ZBTB7C: variants seen among roughly 807,000 people sequenced by gnomAD.
The protein encoded by ZBTB7C is zinc finger and BTB domain containing 7C, also known as zinc finger and BTB domain-containing protein 7C.
A neutral mutation model predicts 25.7 loss-of-function variants in ZBTB7C; 8 were observed. That is an observed-to-expected ratio of 0.31 (90% CI 0.18 to 0.56). The LOEUF is 0.56. Ranked by LOEUF, ZBTB7C falls within the 20% of genes least tolerant of loss-of-function variation. ZBTB7C has a pLI of 0.91. For synonymous variants in ZBTB7C, 394 were observed against 369.0 expected (o/e 1.07, Z -0.78); for missense variants, 824 against 855.2 (o/e 0.96, Z 0.46).
intron 2 of ZBTB7C, among the ~76,000 whole-genome samples, chr18:48,232,136 T>G (rs1353686106): frequency 6.6e-6 from 1 of 152,094 alleles, no homozygotes; most frequent in East Asian, 1.9e-4. Flanking sequence ...TGAGCAAAAC[T>G]CAGGCAAAGG....
intron 1 of ZBTB7C, among the ~76,000 whole-genome samples, chr18:48,387,646 C>T (rs952498296): frequency 2.6e-5 from 4 of 152,136 alleles, no homozygotes; most frequent in Admixed American, 2.6e-4. Flanking sequence ...AGAGGAGGTG[C>T]AGCAAGAAGA....
intron 2 of ZBTB7C, among the ~76,000 whole-genome samples, chr18:48,246,693 A>G (rs1307618025): frequency 2.0e-5 from 3 of 152,120 alleles, no homozygotes; most frequent in African/African-American, 7.2e-5. Context: ...GTTAGTTTTT[A>G]ACATATCCTG....
chr18:48,218,746 A>T (rs1250468130), intron 2 of ZBTB7C, among the ~76,000 whole-genome samples: 1 of 152,194 alleles, frequency 6.6e-6, no homozygotes, highest in African/African-American at 2.4e-5. Flanking sequence ...ACTGCCGACT[A>T]TGGCTGACAT....
At chr18:48,270,478 G>A (rs1245582932) in intron 2 of ZBTB7C, among the ~76,000 whole-genome samples, 7 of 150,530 alleles carry the variant, frequency 4.7e-5, no homozygotes. Flanking sequence ...GGCGGATCTC[G>A]AGGTCAGGTG....
At chr18:48,381,957 C>T (rs2047642442) in intron 1 of ZBTB7C, among the ~76,000 whole-genome samples, 1 of 152,226 alleles carries the variant, frequency 6.6e-6, no homozygotes, top group African/African-American at 2.4e-5. Flanking sequence ...GGCTCAATGT[C>T]AATTGCATTA....
intron 2 of ZBTB7C, among the ~76,000 whole-genome samples, chr18:48,218,782 A>AC (rs1389809665): frequency 6.6e-6 from 1 of 151,992 alleles, no homozygotes; most frequent in Non-Finnish European, 1.5e-5. Flanking sequence ...GGGGCTACCC[A>AC]CCTACAGGCC....
intron 2 of ZBTB7C, among the ~76,000 whole-genome samples, chr18:48,265,010 G>A (rs2044270796): frequency 6.6e-6 from 1 of 152,226 alleles, no homozygotes; most frequent in African/African-American, 2.4e-5. Context: ...AATGGGTGGA[G>A]ATGGGGTAGG....
chr18:48,079,545 T>G (rs2144471066), intron 3 of ZBTB7C, among the ~76,000 whole-genome samples: 2 of 152,222 alleles, frequency 1.3e-5, no homozygotes, highest in South Asian at 4.1e-4. Flanking sequence ...CCACTTCATT[T>G]CCTAACCCCT....
chr18:48,076,317 C>T (rs185364784), intron 3 of ZBTB7C, among the ~76,000 whole-genome samples: 3 of 152,276 alleles, frequency 2.0e-5, no homozygotes, highest in East Asian at 1.9e-4. Context: ...GGAATTGACA[C>T]TCTTGTAGTT....
chr18:48,203,912 G>T, intron 2 of ZBTB7C, among the ~76,000 whole-genome samples: 1 of 152,186 alleles, frequency 6.6e-6, no homozygotes, highest in East Asian at 1.9e-4. Flanking sequence ...AAGAGGGGGT[G>T]TCTCCTCTAC....
intron 2 of ZBTB7C, among the ~76,000 whole-genome samples, chr18:48,271,444 T>C (rs56391833): frequency 0.041 from 6,101 of 150,238 alleles, 167 homozygotes; most frequent in Non-Finnish European, 0.06. Flanking sequence ...ATTTATTTTA[T>C]ACATATATCA....
At chr18:48,186,715 T>C (rs2042064488) in intron 2 of ZBTB7C, among the ~76,000 whole-genome samples, 1 of 152,066 alleles carries the variant, frequency 6.6e-6, no homozygotes, top group Admixed American at 6.6e-5. Flanking sequence ...GCAGTGATGC[T>C]TCAAGACAGG....
At chr18:48,220,597 A>C (rs933174075) in intron 2 of ZBTB7C, among the ~76,000 whole-genome samples, 3 of 152,202 alleles carry the variant, frequency 2.0e-5, no homozygotes, top group African/African-American at 7.2e-5. Context: ...AGCAATATTT[A>C]GCTTTTACAG....
intron 3 of ZBTB7C, chr18:48,076,910 G>T: frequency 1.0e-6 from 1 of 982,998 alleles, no homozygotes; most frequent in Non-Finnish European, 1.2e-6. Flanking sequence ...ATTCAATCAA[G>T]GAAGAAGCTT....
chr18:48,087,951 T>G (rs1568208259), intron 3 of ZBTB7C, among the ~76,000 whole-genome samples: 1 of 152,162 alleles, frequency 6.6e-6, no homozygotes, highest in African/African-American at 2.4e-5. Context: ...TTAAAGCTAG[T>G]GCTTACTTTT....
chr18:48,241,969 G>A (rs1169949335), intron 2 of ZBTB7C, among the ~76,000 whole-genome samples: 1 of 151,982 alleles, frequency 6.6e-6, no homozygotes, highest in South Asian at 2.1e-4. Flanking sequence ...ACCAAGAAAA[G>A]AAGAGAGAAG....
intron 2 of ZBTB7C, among the ~76,000 whole-genome samples, chr18:48,272,108 T>G (rs774225142): frequency 3.3e-5 from 5 of 152,242 alleles, no homozygotes; most frequent in African/African-American, 4.8e-5. Flanking sequence ...GATGCCCAGA[T>G]AGCTGGTAAA....
At chr18:48,095,153 A>T (rs545899922) in intron 3 of ZBTB7C, among the ~76,000 whole-genome samples, 9 of 152,214 alleles carry the variant, frequency 5.9e-5, no homozygotes, top group Non-Finnish European at 1.2e-4. Context: ...AATGACATGC[A>T]TCAGAACTTA....
intron 2 of ZBTB7C, among the ~76,000 whole-genome samples, chr18:48,320,762 G>T (rs1052858714): frequency 4.6e-5 from 7 of 152,312 alleles, no homozygotes; most frequent in Admixed American, 4.6e-4. Flanking sequence ...TGGCAGCTGC[G>T]GCCCTGCTTC....
Sources: gnomAD v4.1 joint callset for allele counts (sites outside exome capture counted in the v4.1 genomes callset) on GRCh38, gnomAD v4.1.1 for gene constraint, MANE v1.5 for transcripts, NCBI Gene and HGNC (gene_info 2026-07-23, HGNC 2026-07-21) for gene names.